PRKN: variants seen among roughly 807,000 people sequenced by gnomAD.
PRKN encodes parkin RBR E3 ubiquitin protein ligase.
Under a neutral mutation model 59.5 loss-of-function variants are expected in PRKN, and 56 were observed. The observed-to-expected ratio is 0.94, with a 90% CI of 0.76 to 1.18. PRKN has a LOEUF of 1.18. Among genes scored for constraint, PRKN ranks in the 50% most tolerant of loss-of-function variants. The pLI is 0.00. For synonymous variants in PRKN, 250 were observed against 222.1 expected (o/e 1.13, Z -1.12); for missense variants, 657 against 596.4 (o/e 1.10, Z -1.06).
intron 3 of PRKN, 32 bp from the exon 4 acceptor site, chr6:162,201,284 T>C: frequency 2.5e-6 from 4 of 1,610,364 alleles, no homozygotes; most frequent in African/African-American, 1.3e-5. Context: ...AAGTGGCTAA[T>C]AATGCTGCAT....
chr6:162,336,691 T>G (rs6911138), intron 2 of PRKN, among the ~76,000 whole-genome samples: 115,463 of 152,180 alleles, frequency 0.76, 44,928 homozygotes, highest in African/African-American at 0.93. Flanking sequence ...AAAGACAAAT[T>G]AATCTCCACA....
intron 1 of PRKN, among the ~76,000 whole-genome samples, chr6:162,503,415 C>T (rs1793466443): frequency 6.6e-6 from 1 of 152,032 alleles, no homozygotes; most frequent in African/African-American, 2.4e-5. Flanking sequence ...CTTCCTGCCT[C>T]AGCCTCCCAG....
chr6:161,506,651 G>A (rs958874092), intron 9 of PRKN, among the ~76,000 whole-genome samples: 3 of 152,202 alleles, frequency 2.0e-5, no homozygotes, highest in Non-Finnish European at 2.9e-5. Flanking sequence ...TGATGCAGGT[G>A]GGTGGGGCCC....
intron 2 of PRKN, among the ~76,000 whole-genome samples, chr6:162,347,175 GTTCT>G (rs1210851021): frequency 1.4e-5 from 2 of 142,368 alleles, no homozygotes; most frequent in East Asian, 4.1e-4. Flanking sequence ...TTTTCTTTAG[GTTCT>G]TTCTGTTGTC....
chr6:162,576,206 T>C (rs546852520), intron 1 of PRKN, among the ~76,000 whole-genome samples: 208 of 152,286 alleles, frequency 1.4e-3, no homozygotes, highest in African/African-American at 4.5e-3. Flanking sequence ...CTATGTACCA[T>C]TGAACATGCA....
chr6:161,909,357 T>C (rs931581860), intron 6 of PRKN, among the ~76,000 whole-genome samples: 6 of 152,202 alleles, frequency 3.9e-5, no homozygotes, highest in African/African-American at 1.4e-4. Context: ...CATCTATTTG[T>C]TCTGAAAATG....
At chr6:161,523,173 A>C (rs2115363768) in intron 9 of PRKN, among the ~76,000 whole-genome samples, 1 of 152,358 alleles carries the variant, frequency 6.6e-6, no homozygotes, top group African/African-American at 2.4e-5. Flanking sequence ...TGTATCTATT[A>C]TGCTAAGATA....
At chr6:162,040,878 C>A (rs943937394) in intron 5 of PRKN, among the ~76,000 whole-genome samples, 2 of 151,684 alleles carry the variant, frequency 1.3e-5, no homozygotes, top group Admixed American at 1.3e-4. Flanking sequence ...CAGACAGGGA[C>A]AGAGTGGAGG....
At chr6:162,096,647 G>C (rs1232322846) in intron 4 of PRKN, among the ~76,000 whole-genome samples, 1 of 152,056 alleles carries the variant, frequency 6.6e-6, no homozygotes, top group Non-Finnish European at 1.5e-5. Flanking sequence ...GTTGTATAAG[G>C]GGTTTCCCCT....
At chr6:162,325,407 A>G (rs903556252) in intron 2 of PRKN, among the ~76,000 whole-genome samples, 3 of 152,166 alleles carry the variant, frequency 2.0e-5, no homozygotes, top group African/African-American at 7.2e-5. Context: ...ATCTCGACGG[A>G]AACAGCCTCA....
intron 2 of PRKN, among the ~76,000 whole-genome samples, chr6:162,424,788 TG>T (rs1789147008): frequency 1.4e-5 from 2 of 139,896 alleles, no homozygotes; most frequent in South Asian, 4.7e-4. Flanking sequence ...CGGATGGGGG[TG>T]GGAATGTTGA....
intron 2 of PRKN, among the ~76,000 whole-genome samples, chr6:162,375,449 A>C (rs1786009751): frequency 6.6e-6 from 1 of 151,964 alleles, no homozygotes; most frequent in African/African-American, 2.4e-5. Flanking sequence ...TGTCTACAAA[A>C]GAGCCTTAAC....
chr6:162,212,514 TA>T (rs1427610129), intron 3 of PRKN, among the ~76,000 whole-genome samples: 2 of 152,252 alleles, frequency 1.3e-5, no homozygotes, highest in Admixed American at 1.3e-4. Context: ...TTACTTTTGA[TA>T]TTGTCTCTGC....
intron 9 of PRKN, among the ~76,000 whole-genome samples, chr6:161,431,272 C>T (rs1046862058): frequency 4.6e-5 from 7 of 151,980 alleles, no homozygotes; most frequent in Admixed American, 4.6e-4. Flanking sequence ...AAACCTTGAG[C>T]CACTGAAGAA....
In PRKN at chr6:162,042,899, G is replaced by T. The variant is rs76509156; in HGVS notation, c.618+11192C>A. ...TTGTTAAAATAGTTCATTTTTATAA[G>T]GCAGGTAAGAAATTAGTAAGTTAGA... On this transcript the variant is annotated intron_variant, in intron 5 of 11. Coordinates refer to ENST00000366898, the MANE Select transcript of PRKN (RefSeq NM_004562.3). 6.0e-3 allele frequency among the ~76,000 whole-genome samples: 912 copies of T among 152,226 alleles called. 8 individuals carry two copies. Among genetic ancestry groups the T allele is most frequent in the African/African-American group, 0.021 (855 of 41,516 alleles).
chr6:162,575,999 C>T (rs188813008), intron 1 of PRKN, among the ~76,000 whole-genome samples: 1 of 152,252 alleles, frequency 6.6e-6, no homozygotes, highest in African/African-American at 2.4e-5. Context: ...TGGAAAAATC[C>T]TATCTTGGTT....
At chr6:161,867,697 T>C (rs907266181) in intron 6 of PRKN, among the ~76,000 whole-genome samples, 1 of 152,110 alleles carries the variant, frequency 6.6e-6, no homozygotes, top group African/African-American at 2.4e-5. Flanking sequence ...GGTTTTATTC[T>C]AACTTTATCT....
chr6:162,568,646 G>A (rs779834726), intron 1 of PRKN: 12 of 930,290 alleles, frequency 1.3e-5, no homozygotes, highest in Non-Finnish European at 1.9e-5. Context: ...TACGGTTCCT[G>A]GAGCAGCAGA....
At chr6:162,667,352 T>C (rs1584013160) in intron 1 of PRKN, among the ~76,000 whole-genome samples, 1 of 152,090 alleles carries the variant, frequency 6.6e-6, no homozygotes, top group Admixed American at 6.5e-5. Context: ...ACATATACAG[T>C]ATATAAAATC....
Sources: allele counts gnomAD v4.1 joint callset (sites outside exome capture counted in the v4.1 genomes callset), GRCh38; gene constraint gnomAD v4.1.1; transcripts MANE v1.5; gene names NCBI Gene and HGNC (gene_info 2026-07-23, HGNC 2026-07-21).